Variants in ANKFN1 observed in about 807,000 individuals in gnomAD.
ANKFN1 encodes ankyrin repeat and fibronectin type-III domain-containing protein 1.
ANKFN1 carries 74 observed loss-of-function variants against 108.7 expected under a neutral mutation model. The ratio of observed to expected loss-of-function variants is 0.68; its 90% confidence interval spans 0.56 to 0.83. ANKFN1 has a LOEUF of 0.83. Among genes scored for constraint, ANKFN1 ranks in the 40% least tolerant of loss-of-function variants. ANKFN1 has a pLI of 0.00. For missense variants in ANKFN1, 1,505 were observed against 1,382.3 expected (o/e 1.09, Z -1.41); for synonymous variants, 547 against 516.2 (o/e 1.06, Z -0.81).
intron 16 of ANKFN1, among the ~76,000 whole-genome samples, chr17:56,478,674 T>TA (rs2050593070): frequency 9.2e-6 from 1 of 108,276 alleles, no homozygotes; most frequent in African/African-American, 3.6e-5. Flanking sequence ...GTGCTCAACA[T>TA]AAAAAAAGAA....
In ANKFN1 at chr17:56,510,920, A is replaced by G; in HGVS notation, c.3092A>G (p.Glu1031Gly). The G allele has an allele frequency of 6.5e-7, 1 of 1,536,102 alleles. No homozygotes were observed. Among genetic ancestry groups the G allele is most frequent in the Non-Finnish European group, 8.7e-7 (1 of 1,146,898 alleles). The change falls in exon 21 of 21, where the codon GAG becomes GGG. Residue 1031 changes from glutamate to glycine, a missense_variant. Transcript: ENST00000682825. The stretch of plus-strand genomic sequence containing the variant: ...GAGACCCAGTCGCTATCGCTCTCTG[A>G]GGGCATTTATACACAGCACCTGTCC... Reference protein sequence around the residue: ...HSETQSLSLSEGIYTQHLSQA... With the variant: ...HSETQSLSLSGGIYTQHLSQA...
intron 8 of ANKFN1, among the ~76,000 whole-genome samples, chr17:56,399,724 T>G (rs1016541914): frequency 7.9e-5 from 12 of 151,782 alleles, no homozygotes; most frequent in African/African-American, 2.9e-4. Flanking sequence ...TGAGAACATA[T>G]GATGTTTGGC....
chr17:56,316,865 T>C (rs1204435450), intron 3 of ANKFN1, among the ~76,000 whole-genome samples: 1 of 152,184 alleles, frequency 6.6e-6, no homozygotes, highest in Admixed American at 6.5e-5. Flanking sequence ...GTCCCACTAA[T>C]AGAAACATCT....
At chr17:56,202,825 C>G (rs541107165) in intron 1 of ANKFN1, among the ~76,000 whole-genome samples, 1 of 151,966 alleles carries the variant, frequency 6.6e-6, no homozygotes, top group Non-Finnish European at 1.5e-5. Flanking sequence ...TATAATGATG[C>G]GAAAGAATGC....
At position 56,512,932 on chromosome 17, in the gene ANKFN1, A is replaced by T. The variant is rs2051816379; in HGVS notation, c.*1663A>T. Among the ~76,000 whole-genome samples the T allele has an allele frequency of 1.3e-5, 2 of 152,238 alleles. No individual in the cohort carries two copies. The highest frequency in any genetic ancestry group is 4.1e-4 in the South Asian group (2 of 4,836). On this transcript the variant is annotated 3_prime_UTR_variant, in exon 21 of 21. Coordinates refer to ENST00000682825, the MANE Select transcript of ANKFN1 (RefSeq NM_001370326.1). The stretch of plus-strand genomic sequence containing the variant: ...CCCTCAAAGAATCTTGATCAGAATC[A>T]CTACAGCTCCTTTTTCATGACTGGG...
At chr17:56,329,164 T>C (rs1306112765) in intron 4 of ANKFN1, among the ~76,000 whole-genome samples, 1 of 152,154 alleles carries the variant, frequency 6.6e-6, no homozygotes, top group African/African-American at 2.4e-5. Context: ...ATGATTCTTA[T>C]CATGGCATGC....
At chr17:56,165,496 A>T (rs1025178531) in intron 1 of ANKFN1, among the ~76,000 whole-genome samples, 1 of 152,186 alleles carries the variant, frequency 6.6e-6, no homozygotes, top group Admixed American at 6.5e-5. Flanking sequence ...TCTAGGTAAC[A>T]TGTTCTACAT....
chr17:56,279,281 G>C (rs766578364), intron 3 of ANKFN1, among the ~76,000 whole-genome samples: 2 of 152,028 alleles, frequency 1.3e-5, no homozygotes, highest in Non-Finnish European at 2.9e-5. Flanking sequence ...GAAAGAAGTG[G>C]AATCCCACAG....
intron 8 of ANKFN1, among the ~76,000 whole-genome samples, chr17:56,381,150 C>T (rs182274072): frequency 6.6e-6 from 1 of 152,190 alleles, no homozygotes; most frequent in African/African-American, 2.4e-5. Context: ...TGTTCTGCAG[C>T]CACCGCTGCT....
chr17:56,142,000 G>A (rs2143396862), intron 4 of ANKFN1, among the ~76,000 whole-genome samples: 1 of 135,658 alleles, frequency 7.4e-6, no homozygotes, highest in East Asian at 2.1e-4. Flanking sequence ...GTGCAATCTT[G>A]GCCCACTGCA....
At chr17:56,162,983 C>T (rs779330753) in intron 1 of ANKFN1, among the ~76,000 whole-genome samples, 3 of 150,068 alleles carry the variant, frequency 2.0e-5, no homozygotes, top group East Asian at 2.0e-4. Context: ...TGCAGTGAGC[C>T]GAGATCGCGC....
chr17:56,399,886 A>G (rs1447852466), intron 8 of ANKFN1, among the ~76,000 whole-genome samples: 1 of 141,340 alleles, frequency 7.1e-6, no homozygotes, highest in Non-Finnish European at 1.5e-5. Flanking sequence ...ATTCCTTTTT[A>G]TGGCTGAGTA....
chr17:56,188,543 A>ATGTGTGTGTGTG lies in ANKFN1; in HGVS notation c.-70-24054_-70-24053insGTGTGTGTGTGT, dbSNP rs1466873294. Among the ~76,000 whole-genome samples, 102 of 74,110 alleles carry ATGTGTGTGTGTG rather than the reference A, an allele frequency of 1.4e-3. 17 individuals carry two copies. Among genetic ancestry groups the ATGTGTGTGTGTG allele is most frequent in the African/African-American group, 8.5e-3 (94 of 11,052 alleles). 48.6% of individuals were successfully genotyped at this position (74,110 alleles called of 152,430 possible). The stretch of plus-strand genomic sequence containing the variant: ...ATATATAAGAAATAAAATAAGATGT[A>ATGTGTGTGTGTG]TATGTGTGTGTGTGTGTGTATGTGT... On this transcript the variant is annotated intron_variant, in intron 1 of 20. Transcript: ENST00000682825.
At chr17:56,465,082 CTTTCT>C (rs1415883179) in intron 14 of ANKFN1, among the ~76,000 whole-genome samples, 4 of 152,212 alleles carry the variant, frequency 2.6e-5, no homozygotes, top group South Asian at 2.1e-4. Flanking sequence ...CAAATCAGGG[CTTTCT>C]TTTCTTTTCT....
intron 1 of ANKFN1, among the ~76,000 whole-genome samples, chr17:56,208,784 C>T (rs1351609260): frequency 6.6e-6 from 1 of 152,152 alleles, no homozygotes; most frequent in African/African-American, 2.4e-5. Flanking sequence ...TAGTAGTCCC[C>T]CACATCTGGA....
chr17:56,145,587 A>T (rs1260660022), intron 4 of ANKFN1, among the ~76,000 whole-genome samples: 2 of 151,958 alleles, frequency 1.3e-5, no homozygotes, highest in African/African-American at 2.4e-5. Context: ...CATCAGGAAA[A>T]CCACCCCCAT....
intron 4 of ANKFN1, among the ~76,000 whole-genome samples, chr17:56,054,687 G>C (rs1904835653): frequency 6.6e-6 from 1 of 152,066 alleles, no homozygotes; most frequent in African/African-American, 2.4e-5. Flanking sequence ...TGAGGCGGGT[G>C]GATCACTTGA....
chr17:56,230,732 C>G (rs946336560), intron 3 of ANKFN1, among the ~76,000 whole-genome samples: 2 of 152,054 alleles, frequency 1.3e-5, no homozygotes, highest in African/African-American at 4.8e-5. Flanking sequence ...CCTGAATTAT[C>G]TAGAGGCCTG....
At chr17:56,196,554 T>G (rs2159975) in intron 1 of ANKFN1, among the ~76,000 whole-genome samples, 18 of 151,908 alleles carry the variant, frequency 1.2e-4, no homozygotes, top group African/African-American at 4.3e-4. Flanking sequence ...GGAAACATAA[T>G]GAGACCCCTG....
Sources: allele counts gnomAD v4.1 joint callset (sites outside exome capture counted in the v4.1 genomes callset), GRCh38; gene constraint gnomAD v4.1.1; transcripts MANE v1.5; gene names NCBI Gene and HGNC (gene_info 2026-07-23, HGNC 2026-07-21).